The following RBFOX1 variants were observed in gnomAD, a reference collection of about 807,000 sequenced individuals.
RBFOX1 encodes RNA binding protein fox-1 homolog 1.
RBFOX1 carries 8 observed loss-of-function variants against 57.7 expected under a neutral mutation model. The ratio of observed to expected loss-of-function variants is 0.14; its 90% CI spans 0.08 to 0.25. The LOEUF is 0.25. RBFOX1 is among the 10% of genes least tolerant of loss of function. The pLI is 1.00. For missense variants in RBFOX1, 611 were observed against 548.5 expected (o/e 1.11, Z -1.14); for synonymous variants, 326 against 222.4 (o/e 1.47, Z -4.15).
At chr16:6,198,971 C>A (rs1326604489) in intron 1 of RBFOX1, among the ~76,000 whole-genome samples, 2 of 151,732 alleles carry the variant, frequency 1.3e-5, no homozygotes, top group African/African-American at 4.8e-5. Context: ...ATCAAATCTG[C>A]TTTTGACTGA....
chr16:7,599,629 TAATA>T (rs1238445833), intron 9 of RBFOX1, among the ~76,000 whole-genome samples: 4 of 134,078 alleles, frequency 3.0e-5, no homozygotes, highest in East Asian at 2.2e-4. Context: ...ATGAAGAAAT[TAATA>T]AAGACTTTTT....
chr16:6,564,792 C>A (rs753513379), intron 2 of RBFOX1, among the ~76,000 whole-genome samples: 12 of 152,088 alleles, frequency 7.9e-5, no homozygotes, highest in Non-Finnish European at 1.3e-4. Flanking sequence ...ATATATAAAT[C>A]ATCACATTGT....
chr16:7,461,045 G>A (rs530914307), intron 4 of RBFOX1, among the ~76,000 whole-genome samples: 8 of 152,272 alleles, frequency 5.3e-5, no homozygotes, highest in South Asian at 2.1e-4. Flanking sequence ...TTAGGTTTCT[G>A]TTAGCCAGAT....
intron 1 of RBFOX1, among the ~76,000 whole-genome samples, chr16:6,191,737 C>G (rs2097143156): frequency 2.0e-5 from 3 of 152,080 alleles, no homozygotes; most frequent in Admixed American, 6.5e-5. Context: ...AAGCTGGAAA[C>G]TCATGGCAGA....
intron 4 of RBFOX1, among the ~76,000 whole-genome samples, chr16:7,278,632 G>C (rs369502786): frequency 6.6e-6 from 1 of 152,130 alleles, no homozygotes; most frequent in East Asian, 1.9e-4. Flanking sequence ...TCTATAACCA[G>C]TCTTTTTGCA....
At chr16:6,386,502 A>G (rs2092291468) in intron 2 of RBFOX1, among the ~76,000 whole-genome samples, 1 of 152,206 alleles carries the variant, frequency 6.6e-6, no homozygotes, top group Admixed American at 6.5e-5. Context: ...GGATACACCA[A>G]ACATGATTCC....
intron 1 of RBFOX1, among the ~76,000 whole-genome samples, chr16:5,336,304 C>G (rs1447721188): frequency 6.6e-6 from 1 of 152,130 alleles, no homozygotes; most frequent in Non-Finnish European, 1.5e-5. Flanking sequence ...TTGTAGTGGT[C>G]AAGGGCACAC....
At chr16:6,151,432 C>T (rs752211690) in intron 1 of RBFOX1, among the ~76,000 whole-genome samples, 41 of 152,038 alleles carry the variant, frequency 2.7e-4, no homozygotes, top group Admixed American at 4.6e-4. Flanking sequence ...ATTACAGGCG[C>T]GCTTCACCAC....
At chr16:5,921,096 T>G (rs2058811540) in intron 4 of RBFOX1, among the ~76,000 whole-genome samples, 1 of 152,146 alleles carries the variant, frequency 6.6e-6, no homozygotes, top group African/African-American at 2.4e-5. Context: ...AGCAATTCTG[T>G]AAATATTACT....
chr16:5,423,812 G>T (rs2067429884), intron 1 of RBFOX1, among the ~76,000 whole-genome samples: 2 of 152,042 alleles, frequency 1.3e-5, no homozygotes, highest in Non-Finnish European at 2.9e-5. Context: ...CCTGATTTTG[G>T]CATAAAGGGC....
intron 1 of RBFOX1, among the ~76,000 whole-genome samples, chr16:5,437,404 A>C (rs2067949950): frequency 6.6e-6 from 1 of 152,214 alleles, no homozygotes; most frequent in South Asian, 2.1e-4. Context: ...CTTGAACCAG[A>C]GACTCTGAGA....
chr16:6,308,885 G>C (rs1298143170), intron 1 of RBFOX1, among the ~76,000 whole-genome samples: 1 of 152,054 alleles, frequency 6.6e-6, no homozygotes, highest in Non-Finnish European at 1.5e-5. Context: ...CTCAGTAGCT[G>C]TCTCCCCCTG....
At chr16:5,739,377 A>C (rs1401243196) in intron 3 of RBFOX1, among the ~76,000 whole-genome samples, 1 of 152,238 alleles carries the variant, frequency 6.6e-6, no homozygotes, top group Non-Finnish European at 1.5e-5. Context: ...CTGTGAATAA[A>C]ACAGACAAGA....
chr16:6,013,536 A>G (rs2094974468), intron 4 of RBFOX1, among the ~76,000 whole-genome samples: 1 of 152,172 alleles, frequency 6.6e-6, no homozygotes, highest in African/African-American at 2.4e-5. Context: ...GTAAACAAAA[A>G]GACAAGCTGT....
chr16:5,738,624 G>A, intron 3 of RBFOX1, among the ~76,000 whole-genome samples: 1 of 111,470 alleles, frequency 9.0e-6, no homozygotes, highest in Non-Finnish European at 1.8e-5. Flanking sequence ...ACAGAGCAAG[G>A]CTCTGTCTCA....
chr16:7,698,201 T>C (rs1365266602), intron 14 of RBFOX1, among the ~76,000 whole-genome samples: 1 of 146,620 alleles, frequency 6.8e-6, no homozygotes. Flanking sequence ...TGTGTGTGTG[T>C]GTGTGTGTGT....
In RBFOX1 at chr16:6,645,695, A is replaced by G. The variant is rs376528537; in HGVS notation, c.-63-8908A>G. ...AAATAGACATGTTTTTAAGTTCTCAATGCTTCAATCAGAACCAGGTTTCAC... is the reference window on the plus strand; with the variant it reads ...AAATAGACATGTTTTTAAGTTCTCAGTGCTTCAATCAGAACCAGGTTTCAC... On this transcript the variant is annotated intron_variant, in intron 2 of 15. Transcript: ENST00000550418. Among the ~76,000 whole-genome samples, 106 of 152,300 alleles carry G rather than the reference A, an allele frequency of 7.0e-4. 1 individual carries two copies. In the South Asian group the frequency reaches 0.017, roughly 24 times the overall value.
chr16:6,632,295 T>C (rs1328507650), intron 2 of RBFOX1, among the ~76,000 whole-genome samples: 1 of 151,014 alleles, frequency 6.6e-6, no homozygotes, highest in Non-Finnish European at 1.5e-5. Flanking sequence ...AAAACATCTG[T>C]GAAACCTTGC....
Position 7,022,749 on chromosome 16 carries a change from C to T in RBFOX1, c.-15-29308C>T, listed in dbSNP as rs185727616. On this transcript the variant is annotated intron_variant, in intron 3 of 15. Coordinates refer to ENST00000550418, the MANE Select transcript of RBFOX1 (RefSeq NM_018723.4). The stretch of plus-strand genomic sequence containing the variant: ...AAACGAAGTCTTAGTATGGGCCAAA[C>T]AGTTTCCTAATGTTTGGTATATTAG... Among the ~76,000 whole-genome samples, 110 of 152,224 alleles carry T rather than the reference C, an allele frequency of 7.2e-4. 1 individual carries two copies. Among genetic ancestry groups the T allele is most frequent in the Admixed American group, 2.9e-3 (45 of 15,280 alleles).
Sources: allele counts gnomAD v4.1 joint callset (sites outside exome capture counted in the v4.1 genomes callset), GRCh38; gene constraint gnomAD v4.1.1; transcripts MANE v1.5; gene names NCBI Gene and HGNC (gene_info 2026-07-23, HGNC 2026-07-21).